UGT1A7: variants seen among roughly 807,000 people sequenced by gnomAD.
UGT1A7 encodes the protein UDP-glucuronosyltransferase 1A7.
In UGT1A7, 33 loss-of-function variants were observed where a neutral mutation model predicts 45.6. The observed-to-expected ratio is 0.72, with a 90% CI of 0.55 to 0.97. The LOEUF is 0.97. Ranked by LOEUF, UGT1A7 falls within the 50% of genes least tolerant of loss-of-function variation. The pLI is 0.00. For missense variants in UGT1A7, 684 were observed against 666.2 expected (o/e 1.03, Z -0.29); for synonymous variants, 274 against 250.6 (o/e 1.09, Z -0.88).
intron 1 of UGT1A7, among the ~76,000 whole-genome samples, chr2:233,704,025 G>T (rs2075764465): frequency 6.6e-6 from 1 of 151,894 alleles, no homozygotes; most frequent in Non-Finnish European, 1.5e-5. Flanking sequence ...CGAGCAGCTG[G>T]AACTACAGGT....
intron 1 of UGT1A7, among the ~76,000 whole-genome samples, chr2:233,734,963 T>A (rs1419315489): frequency 6.6e-6 from 1 of 152,234 alleles, no homozygotes; most frequent in Non-Finnish European, 1.5e-5. Context: ...ATAAGTGTGA[T>A]GTGGTGCTGA....
At chr2:233,714,395 G>A (rs2076384323) in intron 1 of UGT1A7, among the ~76,000 whole-genome samples, 1 of 152,148 alleles carries the variant, frequency 6.6e-6, no homozygotes, top group African/African-American at 2.4e-5. Context: ...GGCCAATGTA[G>A]GTGCAATGGA....
intron 2 of UGT1A7, 121 bp downstream of exon 2, chr2:233,767,286 C>T (rs967346318): frequency 1.9e-6 from 3 of 1,568,700 alleles, no homozygotes; most frequent in Non-Finnish European, 2.6e-6. Flanking sequence ...CCTGCCACTT[C>T]CCAACTATTA....
At position 233,769,903 on chromosome 2, in the gene UGT1A7, G is replaced by C. The variant is rs1699979126; in HGVS notation, c.1295+1464G>C. On this transcript the variant is annotated intron_variant, in intron 4 of 4. Transcript: ENST00000373426. The surrounding 1 kb of genome is among the most constrained non-coding windows in gnomAD (Gnocchi z 4.4). ...AAAGTCCACATAACCTGAGCATCATGTGCCCAGAGCGTTGGGTGGTGTGGT... is the reference window on the plus strand; with the variant it reads ...AAAGTCCACATAACCTGAGCATCATCTGCCCAGAGCGTTGGGTGGTGTGGT... 1 of 333,056 alleles carries C rather than the reference G, an allele frequency of 3.0e-6. No individual in the cohort carries two copies. The highest frequency in any genetic ancestry group is 6.0e-5 in the East Asian group (1 of 16,780). 20.6% of individuals were successfully genotyped at this position (333,056 alleles called of 1,614,324 possible).
chr2:233,689,964 AG>A (rs2074968353), intron 1 of UGT1A7: 1 of 456,150 alleles, frequency 2.2e-6, no homozygotes, highest in Non-Finnish European at 4.4e-6. Flanking sequence ...CCATGCTTGG[AG>A]GAACCCACAG....
chr2:233,743,907 A>G, intron 1 of UGT1A7: 2 of 1,366,260 alleles, frequency 1.5e-6, no homozygotes, highest in Non-Finnish European at 2.0e-6. Flanking sequence ...ACCTCGTAGT[A>G]GTCCACCATG....
At chr2:233,696,465 G>T (rs1012923510) in intron 1 of UGT1A7, among the ~76,000 whole-genome samples, 1 of 152,088 alleles carries the variant, frequency 6.6e-6, no homozygotes, top group Admixed American at 6.5e-5. Context: ...ATTTTTGTAA[G>T]TTGATCTTGT....
In UGT1A7 at chr2:233,769,625, A is replaced by G; in HGVS notation, c.1295+1186A>G. 1 of 1,612,274 alleles carries G rather than the reference A, an allele frequency of 6.2e-7. No homozygotes were observed. Among genetic ancestry groups the G allele is most frequent in the African/African-American group, 1.3e-5 (1 of 75,020 alleles). On this transcript the variant is annotated intron_variant, in intron 4 of 4. Coordinates refer to ENST00000373426, the MANE Select transcript of UGT1A7 (RefSeq NM_019077.3). The surrounding 1 kb of genome is among the most constrained non-coding windows in gnomAD (Gnocchi z 4.4). ...GGGGACACACCAGCTTGAGCAAGGGACAACAGGGGAGGACTGATGACTGAC... is the reference window on the plus strand; with the variant it reads ...GGGGACACACCAGCTTGAGCAAGGGGCAACAGGGGAGGACTGATGACTGAC...
rs1174769439 is a variant in UGT1A7, at chr2:233,773,222, A to G, written c.*663A>G. On this transcript the variant is annotated 3_prime_UTR_variant, in exon 5 of 5. Coordinates refer to ENST00000373426, the MANE Select transcript of UGT1A7 (RefSeq NM_019077.3). ...TTTGATAAAAACCCAAAATACAGCTATGAAGTGCTGGGCAAGTTTACTTTT... is the reference window on the plus strand; with the variant it reads ...TTTGATAAAAACCCAAAATACAGCTGTGAAGTGCTGGGCAAGTTTACTTTT... 2 of 152,386 alleles carry G rather than the reference A, an allele frequency of 1.3e-5. No homozygotes were observed. Among genetic ancestry groups the G allele is most frequent in the African/African-American group, 4.8e-5 (2 of 41,470 alleles). 9.4% of individuals were successfully genotyped at this position (152,386 alleles called of 1,614,324 possible).
chr2:233,748,109 G>A (rs1215169809), intron 1 of UGT1A7: 2 of 1,612,198 alleles, frequency 1.2e-6, no homozygotes, highest in African/African-American at 1.3e-5. Context: ...TCCAATCAAT[G>A]TTCCAGGCAA....
At chr2:233,759,575 A>C (rs1346908637) in intron 1 of UGT1A7, among the ~76,000 whole-genome samples, 4 of 151,412 alleles carry the variant, frequency 2.6e-5, no homozygotes, top group South Asian at 2.1e-4. Context: ...GTCATTCTCT[A>C]CCCCAGCACG....
chr2:233,717,899 T>G, intron 1 of UGT1A7: 1 of 454,812 alleles, frequency 2.2e-6, no homozygotes, highest in Non-Finnish European at 4.4e-6. Flanking sequence ...ATCTTCAGGA[T>G]GAAATAAAGG....
At chr2:233,720,737 G>A (rs1402303437) in intron 1 of UGT1A7, among the ~76,000 whole-genome samples, 14 of 144,628 alleles carry the variant, frequency 9.7e-5, no homozygotes, top group African/African-American at 2.3e-4. Flanking sequence ...ACTGAGCCTC[G>A]TTCTGTCGCC....
intron 1 of UGT1A7, chr2:233,761,111 T>C: frequency 6.2e-7 from 1 of 1,614,220 alleles, no homozygotes; most frequent in Non-Finnish European, 8.5e-7. Context: ...ATGGTTTTTG[T>C]TGGTGGAATC....
At chr2:233,756,352 C>G (rs1022933251) in intron 1 of UGT1A7, 1 of 152,152 alleles carries the variant, frequency 6.6e-6, no homozygotes, top group African/African-American at 2.4e-5. Flanking sequence ...ATTACTTTTA[C>G]CTAATAAATG....
At chr2:233,760,823 T>G in intron 1 of UGT1A7, 1 of 1,613,528 alleles carries the variant, frequency 6.2e-7, no homozygotes, top group Non-Finnish European at 8.5e-7. Context: ...CCATGCAGCC[T>G]GGAATTTGAG....
chr2:233,748,214 G>A, intron 1 of UGT1A7: 1 of 1,480,602 alleles, frequency 6.8e-7, no homozygotes, highest in Non-Finnish European at 9.1e-7. Flanking sequence ...AGCCTTCAGT[G>A]AGATAAACTG....
chr2:233,750,449 A>G (rs1225472187), intron 1 of UGT1A7, among the ~76,000 whole-genome samples: 4 of 151,972 alleles, frequency 2.6e-5, no homozygotes, highest in South Asian at 4.1e-4. Context: ...AGAAATTCAA[A>G]CCAGCTACAG....
intron 1 of UGT1A7, among the ~76,000 whole-genome samples, chr2:233,730,769 G>A (rs1017824034): frequency 2.0e-5 from 3 of 152,108 alleles, no homozygotes; most frequent in Non-Finnish European, 4.4e-5. Context: ...GAATCTATAA[G>A]CCCAGTGAAG....
Sources: allele counts gnomAD v4.1 joint callset (sites outside exome capture counted in the v4.1 genomes callset), GRCh38; gene constraint gnomAD v4.1.1; non-coding constraint Gnocchi (gnomAD v3.1); transcripts MANE v1.5; gene names NCBI Gene and HGNC (gene_info 2026-07-23, HGNC 2026-07-21).